ROR1: variants seen among roughly 807,000 people sequenced by gnomAD.
ROR1 encodes the protein ROR family WNT receptor 1.
A neutral mutation model predicts 78.8 loss-of-function variants in ROR1; 19 were observed. The ratio of observed to expected loss-of-function variants is 0.24; its 90% CI spans 0.17 to 0.35. The LOEUF is 0.35. ROR1 is among the 10% of genes least tolerant of loss of function. The pLI, the probability that ROR1 is intolerant of heterozygous loss-of-function variation, is 1.00. For synonymous variants in ROR1, 386 were observed against 433.6 expected (o/e 0.89, Z 1.36); for missense variants, 917 against 1,177.8 (o/e 0.78, Z 3.24).
rs538102104 is a variant in ROR1, at chr1:63,976,507, T to C, written c.92-32798T>C. Reference sequence around the variant, plus strand: ...ATAATTTGACCTAATGTGGTCCACATCTTTCTAGTCCAGTGTCAACATCAT... The same window carrying C: ...ATAATTTGACCTAATGTGGTCCACACCTTTCTAGTCCAGTGTCAACATCAT... On this transcript the variant is annotated intron_variant, in intron 1 of 8. Coordinates refer to ENST00000371079, the MANE Select transcript of ROR1 (RefSeq NM_005012.4). Among the ~76,000 whole-genome samples, 11 of 152,294 alleles carry C rather than the reference T, an allele frequency of 7.2e-5. No individual in the cohort carries two copies. In the East Asian group the frequency reaches 2.1e-3, roughly 29 times the overall value.
chr1:63,829,542 G>A (rs115080824), intron 1 of ROR1, among the ~76,000 whole-genome samples: 1,914 of 152,214 alleles, frequency 0.013, 44 homozygotes, highest in African/African-American at 0.041. Context: ...ACAGGCGAAG[G>A]GAGTGTGATG....
chr1:64,159,767 AAT>A (rs1176583072), intron 8 of ROR1, among the ~76,000 whole-genome samples: 1 of 152,144 alleles, frequency 6.6e-6, no homozygotes, highest in African/African-American at 2.4e-5. Flanking sequence ...TTGTCCTTCC[AAT>A]AGTCTTCGAA....
chr1:63,959,313 G>A (rs1432241809), intron 1 of ROR1, among the ~76,000 whole-genome samples: 2 of 124,728 alleles, frequency 1.6e-5, no homozygotes, highest in African/African-American at 9.8e-5. Context: ...GGGATTAGGG[G>A]AACAAGATAA....
chr1:64,135,356 C>T (rs1486689120), intron 4 of ROR1, among the ~76,000 whole-genome samples: 2 of 152,140 alleles, frequency 1.3e-5, no homozygotes, highest in Non-Finnish European at 2.9e-5. Context: ...GGATTTATAT[C>T]TGGGGGTAAT....
chr1:64,119,703 A>T (rs1648457025), intron 4 of ROR1, among the ~76,000 whole-genome samples: 1 of 151,868 alleles, frequency 6.6e-6, no homozygotes, highest in South Asian at 2.1e-4. Context: ...GAGCTGACCT[A>T]TATCCATGGC....
At chr1:64,125,747 G>C (rs1195886546) in intron 4 of ROR1, among the ~76,000 whole-genome samples, 1 of 152,170 alleles carries the variant, frequency 6.6e-6, no homozygotes, top group East Asian at 1.9e-4. Context: ...TCCACCTTTG[G>C]GATTGTATTC....
intron 1 of ROR1, among the ~76,000 whole-genome samples, chr1:63,777,202 C>T (rs1644622202): frequency 6.6e-6 from 1 of 152,164 alleles, no homozygotes; most frequent in African/African-American, 2.4e-5. Flanking sequence ...TGGCCTTTCT[C>T]AAAATCTTAT....
chr1:64,174,217 A>ATTAG (rs1284797472), intron 8 of ROR1, among the ~76,000 whole-genome samples: 3 of 152,176 alleles, frequency 2.0e-5, no homozygotes, highest in Non-Finnish European at 4.4e-5. Flanking sequence ...TAGATAGTAC[A>ATTAG]TTAGTTCATA....
intron 1 of ROR1, among the ~76,000 whole-genome samples, chr1:63,846,281 A>G (rs768328970): frequency 2.0e-5 from 3 of 151,802 alleles, no homozygotes; most frequent in Non-Finnish European, 4.4e-5. Flanking sequence ...GTTATTTTCT[A>G]TTAACTCAAT....
chr1:63,853,227 A>G (rs1179988151), intron 1 of ROR1, among the ~76,000 whole-genome samples: 6 of 152,214 alleles, frequency 3.9e-5, no homozygotes, highest in Non-Finnish European at 7.4e-5. Flanking sequence ...CTCCTGTGGT[A>G]TGCCTGGTGA....
intron 7 of ROR1, chr1:64,143,229 A>T (rs1649378455): frequency 6.1e-6 from 6 of 990,034 alleles, no homozygotes; most frequent in African/African-American, 1.7e-5. Context: ...GGAGAAAATA[A>T]TGAAAATGGG....
At chr1:64,022,863 G>A (rs912250443) in intron 2 of ROR1, among the ~76,000 whole-genome samples, 1 of 152,178 alleles carries the variant, frequency 6.6e-6, no homozygotes, top group Non-Finnish European at 1.5e-5. Flanking sequence ...TCTATTTAGA[G>A]GCCATGCTTT....
intron 2 of ROR1, among the ~76,000 whole-genome samples, chr1:64,020,509 A>G (rs7538451): frequency 0.032 from 4,897 of 152,324 alleles, 280 homozygotes; most frequent in African/African-American, 0.11. Flanking sequence ...ATACACAGAA[A>G]TACTGAAAAT....
intron 1 of ROR1, among the ~76,000 whole-genome samples, chr1:63,937,300 A>G (rs1645801603): frequency 6.6e-6 from 1 of 152,068 alleles, no homozygotes; most frequent in African/African-American, 2.4e-5. Flanking sequence ...TCCCAGACCC[A>G]TTGCCACTCC....
intron 1 of ROR1, among the ~76,000 whole-genome samples, chr1:63,971,012 T>G (rs1646115463): frequency 6.6e-6 from 1 of 152,200 alleles, no homozygotes; most frequent in Admixed American, 6.5e-5. Context: ...TTGCAGGGCT[T>G]CCTCTCACTC....
chr1:64,042,351 A>T (rs1203602885), intron 2 of ROR1, among the ~76,000 whole-genome samples: 1 of 152,174 alleles, frequency 6.6e-6, no homozygotes, highest in Non-Finnish European at 1.5e-5. Flanking sequence ...CCTAATGGGT[A>T]GGTATCATTA....
At chr1:63,939,657 A>G (rs1645820428) in intron 1 of ROR1, among the ~76,000 whole-genome samples, 1 of 152,186 alleles carries the variant, frequency 6.6e-6, no homozygotes, top group Non-Finnish European at 1.5e-5. Context: ...TACCTCGAAT[A>G]GGGAACATTA....
Position 63,855,385 on chromosome 1 carries a change from C to T in ROR1, c.91+80877C>T, listed in dbSNP as rs992184631. 2.0e-5 allele frequency among the ~76,000 whole-genome samples: 3 copies of T among 152,276 alleles called. No individual in the cohort carries two copies. In the East Asian group the frequency reaches 5.8e-4, roughly 29 times the overall value. On this transcript the variant is annotated intron_variant, in intron 1 of 8. Coordinates refer to ENST00000371079, the MANE Select transcript of ROR1 (RefSeq NM_005012.4). Reference sequence around the variant, plus strand: ...TGGAGGCAAGGGCAATTATTAAATACTATATTTGATACTTAATTCGCTCCT... The same window carrying T: ...TGGAGGCAAGGGCAATTATTAAATATTATATTTGATACTTAATTCGCTCCT...
chr1:63,867,576 CAGG>C (rs1645224080), intron 1 of ROR1, among the ~76,000 whole-genome samples: 1 of 152,192 alleles, frequency 6.6e-6, no homozygotes. Context: ...TGCATGATAG[CAGG>C]CGACTCCCTT....
Sources: gnomAD v4.1 joint callset for allele counts (sites outside exome capture counted in the v4.1 genomes callset) on GRCh38, gnomAD v4.1.1 for gene constraint, MANE v1.5 for transcripts, NCBI Gene and HGNC (gene_info 2026-07-23, HGNC 2026-07-21) for gene names.